The following PPFIBP2 variants were observed in gnomAD, a reference collection of about 807,000 sequenced individuals.
The protein encoded by PPFIBP2 is liprin-beta-2.
In PPFIBP2, 118 loss-of-function variants were observed where a neutral mutation model predicts 118.3. The observed-to-expected ratio is 1.00, with a 90% CI of 0.86 to 1.16. PPFIBP2 has a LOEUF of 1.16. PPFIBP2 is among the 50% of genes most tolerant of loss of function. The probability of loss-of-function intolerance (pLI) is 0.00; values close to 1 mark genes in which losing one functional copy is unlikely to be tolerated. For synonymous variants in PPFIBP2, 414 were observed against 397.4 expected (o/e 1.04, Z -0.50); for missense variants, 1,195 against 1,073.1 (o/e 1.11, Z -1.59).
At chr11:7,609,564 T>C (rs919012140) in intron 5 of PPFIBP2, among the ~76,000 whole-genome samples, 20 of 152,254 alleles carry the variant, frequency 1.3e-4, no homozygotes, top group Admixed American at 1.2e-3. Flanking sequence ...GAAGTGTTTT[T>C]ATTAGTGACA....
chr11:7,657,632 T>C (rs1279474818), downstream of PPFIBP2, among the ~76,000 whole-genome samples: 1 of 152,158 alleles, frequency 6.6e-6, no homozygotes, highest in East Asian at 1.9e-4. Flanking sequence ...CTCCACTCTT[T>C]AGTCCTTCCT....
At chr11:7,628,236 G>A (rs1850282383) in intron 8 of PPFIBP2, 49 bp from the exon 9 acceptor site, 1 of 1,505,582 alleles carries the variant, frequency 6.6e-7, no homozygotes, top group Non-Finnish European at 9.2e-7. Context: ...AGTGCGGATA[G>A]CTGTCTGTAT....
intron 1 of PPFIBP2, among the ~76,000 whole-genome samples, chr11:7,520,119 G>A (rs761080181): frequency 6.6e-6 from 1 of 152,180 alleles, no homozygotes; most frequent in Non-Finnish European, 1.5e-5. Context: ...CAGACAACAC[G>A]AGGCGGTATG....
chr11:7,640,914 T>G, intron 15 of PPFIBP2: 1 of 821,284 alleles, frequency 1.2e-6, no homozygotes, highest in Non-Finnish European at 1.7e-6. Context: ...TTTGAGTTTT[T>G]CTCTCTTGCT....
intron 2 of PPFIBP2, among the ~76,000 whole-genome samples, chr11:7,559,192 G>C (rs1412717756): frequency 6.6e-6 from 1 of 152,212 alleles, no homozygotes; most frequent in East Asian, 1.9e-4. Context: ...ACTGTAAGTT[G>C]AATTACCCTT....
At chr11:7,642,656 G>A (rs4525226) in intron 17 of PPFIBP2, among the ~76,000 whole-genome samples, 69,874 of 151,962 alleles carry the variant, frequency 0.46, 16,933 homozygotes, top group East Asian at 0.85. Flanking sequence ...GGATTGGAAT[G>A]TGACATTTTA....
intron 5 of PPFIBP2, among the ~76,000 whole-genome samples, chr11:7,600,318 G>A (rs1411805477): frequency 6.6e-6 from 1 of 152,238 alleles, no homozygotes; most frequent in Non-Finnish European, 1.5e-5. Flanking sequence ...AAAGTTGAAT[G>A]TTCGGCCGCA....
chr11:7,549,609 CTTTTTT>C, intron 2 of PPFIBP2, 70 bp downstream of exon 2: 12 of 1,142,948 alleles, frequency 1.0e-5, no homozygotes, highest in South Asian at 2.0e-5. Flanking sequence ...TCTCCTTTTA[CTTTTTT>C]TTTTTTTTTT....
chr11:7,585,984 C>T (rs569352806), intron 3 of PPFIBP2, among the ~76,000 whole-genome samples: 7 of 152,108 alleles, frequency 4.6e-5, no homozygotes, highest in Non-Finnish European at 7.4e-5. Flanking sequence ...AACACTTGTA[C>T]GAAAGAAAAA....
intron 1 of PPFIBP2, among the ~76,000 whole-genome samples, chr11:7,535,033 A>AG (rs1851075034): frequency 6.6e-6 from 1 of 152,132 alleles, no homozygotes; most frequent in Non-Finnish European, 1.5e-5. Flanking sequence ...CTCTAGGGAG[A>AG]GGGGAGGATG....
rs759456156 is a variant in PPFIBP2, at chr11:7,650,974, C to T, written c.2247+9C>T. ...TCCATGGAGGCCTCATTGTGAGTGG[C>T]TCTCTGGCCTAGCCCACCTGCCTTG... On this transcript the variant is annotated intron_variant, in intron 22 of 23. Coordinates refer to ENST00000299492, the MANE Select transcript of PPFIBP2 (RefSeq NM_003621.5). 2.5e-5 allele frequency: 40 copies of T among 1,611,486 alleles called. No individual in the cohort carries two copies. The highest frequency in any genetic ancestry group is 2.5e-5 in the Non-Finnish European group (30 of 1,178,320).
intron 5 of PPFIBP2, chr11:7,605,685 A>G: frequency 7.6e-7 from 1 of 1,308,610 alleles, no homozygotes; most frequent in Non-Finnish European, 9.7e-7. Context: ...ATGTTGCTTC[A>G]AGGAAGTTGA....
intron 1 of PPFIBP2, among the ~76,000 whole-genome samples, chr11:7,519,835 T>C (rs1257307745): frequency 6.6e-6 from 1 of 152,266 alleles, no homozygotes; most frequent in East Asian, 1.9e-4. Context: ...TGGACCAACG[T>C]TGGATTTTCG....
intron 2 of PPFIBP2, among the ~76,000 whole-genome samples, chr11:7,550,766 G>GACTCACCCTTAATCTGGGTAGGCAC (rs1852881216): frequency 6.6e-6 from 1 of 152,196 alleles, no homozygotes; most frequent in African/African-American, 2.4e-5. Context: ...GGGGAAGGCA[G>GACTCACCCTTAATCTGGGTAGGCAC]ACTCACCCTT....
At chr11:7,643,744 A>G (rs1333315798) in intron 17 of PPFIBP2, among the ~76,000 whole-genome samples, 1 of 152,234 alleles carries the variant, frequency 6.6e-6, no homozygotes, top group Admixed American at 6.5e-5. Flanking sequence ...TGTTGTTGCT[A>G]GTATTCTTTA....
At chr11:7,644,982 C>A (rs372371248) in intron 17 of PPFIBP2, among the ~76,000 whole-genome samples, 206 of 133,024 alleles carry the variant, frequency 1.5e-3, no homozygotes, top group Non-Finnish European at 2.2e-3. Flanking sequence ...AGCCGAGATC[C>A]CGCCACTGCA....
chr11:7,550,386 C>A (rs7483502), intron 2 of PPFIBP2, among the ~76,000 whole-genome samples: 40 of 152,136 alleles, frequency 2.6e-4, no homozygotes, highest in Non-Finnish European at 5.9e-5. Flanking sequence ...CACAGAGTAC[C>A]TGACACTGCC....
chr11:7,543,232 A>G (rs1379894670), intron 1 of PPFIBP2, among the ~76,000 whole-genome samples: 1 of 152,246 alleles, frequency 6.6e-6, no homozygotes, highest in Non-Finnish European at 1.5e-5. Flanking sequence ...AAGCTTAGGG[A>G]TAGCAAAAGG....
At chr11:7,580,926 C>T (rs1347130686) in intron 3 of PPFIBP2, among the ~76,000 whole-genome samples, 1 of 152,168 alleles carries the variant, frequency 6.6e-6, no homozygotes, top group Non-Finnish European at 1.5e-5. Context: ...CTAGAATTGC[C>T]TCTCAGGCCA....
Sources: allele counts gnomAD v4.1 joint callset (sites outside exome capture counted in the v4.1 genomes callset), GRCh38; gene constraint gnomAD v4.1.1; transcripts MANE v1.5; gene names NCBI Gene and HGNC (gene_info 2026-07-23, HGNC 2026-07-21).